Variants in NPAS3 observed in about 807,000 individuals in gnomAD.
The protein encoded by NPAS3 is neuronal PAS domain protein 3.
NPAS3 carries 14 observed loss-of-function variants against 73.1 expected under a neutral mutation model. The observed-to-expected ratio is 0.19, with a 90% CI of 0.13 to 0.30. NPAS3 has a LOEUF of 0.30. NPAS3 is among the 10% of genes least tolerant of loss of function. The probability of loss-of-function intolerance (pLI) is 1.00; values close to 1 mark genes in which losing one functional copy is unlikely to be tolerated. For synonymous variants in NPAS3, 620 were observed against 541.5 expected (o/e 1.14, Z -2.01); for missense variants, 1,096 against 1,250.0 (o/e 0.88, Z 1.86).
intron 6 of NPAS3, among the ~76,000 whole-genome samples, chr14:33,687,860 G>A (rs745810677): frequency 9.9e-5 from 15 of 152,148 alleles, no homozygotes; most frequent in Admixed American, 9.2e-4. Context: ...AGAACCTGTA[G>A]CCACATAAAC....
intron 2 of NPAS3, among the ~76,000 whole-genome samples, chr14:33,159,126 C>T (rs2044755902): frequency 6.6e-6 from 1 of 152,096 alleles, no homozygotes; most frequent in Admixed American, 6.5e-5. Context: ...CACACCACTG[C>T]ACTCCAGCCT....
At chr14:33,572,655 A>G (rs2056263156) in intron 5 of NPAS3, among the ~76,000 whole-genome samples, 1 of 152,200 alleles carries the variant, frequency 6.6e-6, no homozygotes, top group Non-Finnish European at 1.5e-5. Context: ...CGTAACTGGC[A>G]TGTCAAATTA....
At chr14:33,103,260 C>T (rs1335958081) in intron 2 of NPAS3, among the ~76,000 whole-genome samples, 3 of 152,168 alleles carry the variant, frequency 2.0e-5, no homozygotes, top group African/African-American at 7.2e-5. Flanking sequence ...GACCCTTCTA[C>T]TTTCCCAAGA....
Position 33,141,372 on chromosome 14 carries a change from G to T in NPAS3, c.141-73810G>T, listed in dbSNP as rs117121957. ...ACTACTTTTTAGAATGGACTCCAAA[G>T]TGAATTGGCACGCTGGCCTCCATTT... On this transcript the variant is annotated intron_variant, in intron 2 of 11. Transcript: ENST00000356141. Among the ~76,000 whole-genome samples, 1,379 of 152,252 alleles carry T rather than the reference G, an allele frequency of 9.1e-3. 26 individuals are homozygous for T. The highest frequency in any genetic ancestry group is 0.01 in the Non-Finnish European group (704 of 68,030).
chr14:33,307,613 T>TGTGTGTGTGTGTG, intron 3 of NPAS3, among the ~76,000 whole-genome samples: 1 of 44,136 alleles, frequency 2.3e-5, no homozygotes, highest in Non-Finnish European at 7.3e-5. Flanking sequence ...GTGTGTGTGT[T>TGTGTGTGTGTGTG]CGTGTGCGTG....
chr14:33,001,678 T>C (rs2038811909), intron 1 of NPAS3, among the ~76,000 whole-genome samples: 1 of 152,212 alleles, frequency 6.6e-6, no homozygotes, highest in African/African-American at 2.4e-5. Flanking sequence ...CTTTCTTTTC[T>C]TCTTCCATCT....
At chr14:33,697,273 A>T (rs770818171) in intron 6 of NPAS3, among the ~76,000 whole-genome samples, 7 of 152,200 alleles carry the variant, frequency 4.6e-5, no homozygotes, top group Non-Finnish European at 1.0e-4. Flanking sequence ...ATACTGTTCA[A>T]ATTCAAGGCT....
intron 5 of NPAS3, among the ~76,000 whole-genome samples, chr14:33,594,402 GA>G (rs2139962549): frequency 6.6e-6 from 1 of 152,328 alleles, no homozygotes; most frequent in Non-Finnish European, 1.5e-5. Context: ...GTGGTTGAAT[GA>G]ATATCTCAAT....
intron 2 of NPAS3, among the ~76,000 whole-genome samples, chr14:33,210,303 A>G (rs903028933): frequency 1.4e-4 from 22 of 152,206 alleles, no homozygotes; most frequent in African/African-American, 5.3e-4. Context: ...ATTCACAAAG[A>G]TTGCAAATTC....
intron 6 of NPAS3, among the ~76,000 whole-genome samples, chr14:33,705,952 T>A (rs1271518838): frequency 6.6e-6 from 1 of 152,202 alleles, no homozygotes; most frequent in East Asian, 1.9e-4. Flanking sequence ...ATGAAGTGAA[T>A]GACCAACGAA....
At chr14:33,234,304 T>G (rs1157911665) in intron 3 of NPAS3, among the ~76,000 whole-genome samples, 2 of 152,114 alleles carry the variant, frequency 1.3e-5, no homozygotes, top group East Asian at 3.9e-4. Context: ...TAAATCAGCC[T>G]GCACCCAAGA....
At chr14:33,134,669 A>G (rs566824140) in intron 2 of NPAS3, among the ~76,000 whole-genome samples, 1 of 152,266 alleles carries the variant, frequency 6.6e-6, no homozygotes, top group African/African-American at 2.4e-5. Flanking sequence ...ACCTCTGCCT[A>G]CTGAAGTGGG....
At chr14:33,644,909 C>A (rs945438913) in intron 5 of NPAS3, among the ~76,000 whole-genome samples, 4 of 151,872 alleles carry the variant, frequency 2.6e-5, no homozygotes, top group African/African-American at 9.7e-5. Context: ...GGTGAAACCT[C>A]GTCTTTACTA....
At chr14:33,392,543 A>T (rs60458544) in intron 4 of NPAS3, among the ~76,000 whole-genome samples, 1 of 152,150 alleles carries the variant, frequency 6.6e-6, no homozygotes, top group African/African-American at 2.4e-5. Context: ...TGACGCTCGG[A>T]GTTCAAGTAG....
intron 3 of NPAS3, among the ~76,000 whole-genome samples, chr14:33,354,558 A>T (rs1306598645): frequency 6.6e-6 from 1 of 152,138 alleles, no homozygotes; most frequent in African/African-American, 2.4e-5. Flanking sequence ...TGTGCTAATG[A>T]CTTGCAGCCA....
In NPAS3 at chr14:33,391,231, T is replaced by G. The variant is rs535687559; in HGVS notation, c.468+23963T>G. ...TTTTTGAGAAAGAGTTTCACTCTTG[T>G]TGCCCAGGCTGGAGTGCAATGGCGC... On this transcript the variant is annotated intron_variant, in intron 4 of 11. Transcript: ENST00000356141. 4.8e-4 allele frequency among the ~76,000 whole-genome samples: 72 copies of G among 149,976 alleles called. 1 individual carries two copies. The highest frequency in any genetic ancestry group is 1.7e-3 in the African/African-American group (69 of 40,568).
chr14:33,656,556 C>T (rs998439658), intron 5 of NPAS3, among the ~76,000 whole-genome samples: 1 of 152,080 alleles, frequency 6.6e-6, no homozygotes, highest in African/African-American at 2.4e-5. Context: ...GTGACACAGA[C>T]TGATTTCTTC....
intron 5 of NPAS3, among the ~76,000 whole-genome samples, chr14:33,596,349 C>G (rs2057242316): frequency 6.6e-6 from 1 of 152,218 alleles, no homozygotes; most frequent in African/African-American, 2.4e-5. Context: ...CTTATTTATG[C>G]TGTGGCTACC....
chr14:32,959,946 G>A (rs1443117354), intron 1 of NPAS3, among the ~76,000 whole-genome samples: 1 of 150,656 alleles, frequency 6.6e-6, no homozygotes, highest in African/African-American at 2.4e-5. Flanking sequence ...AGAGACACGT[G>A]ATATCTAATG....
Sources: gnomAD v4.1 joint callset for allele counts (sites outside exome capture counted in the v4.1 genomes callset) on GRCh38, gnomAD v4.1.1 for gene constraint, MANE v1.5 for transcripts, NCBI Gene and HGNC (gene_info 2026-07-23, HGNC 2026-07-21) for gene names.